KTN1: variants seen among roughly 807,000 people sequenced by gnomAD.
KTN1 encodes kinectin.
Under a neutral mutation model 222.5 loss-of-function variants are expected in KTN1, and 130 were observed. The ratio of observed to expected loss-of-function variants is 0.58; its 90% CI spans 0.51 to 0.68. The LOEUF (loss-of-function observed/expected upper bound fraction) is 0.68, where lower values mean the gene tolerates loss of function less well. Ranked by LOEUF, KTN1 falls within the 30% of genes least tolerant of loss-of-function variation. KTN1 has a pLI of 0.00. For missense variants in KTN1, 1,508 were observed against 1,500.4 expected, an observed-to-expected ratio of 1.01 and a Z score of -0.08; for synonymous variants, 512 against 496.3, an observed-to-expected ratio of 1.03 and a Z score of -0.42.
At chr14:55,599,734 A>G (rs1428225985) in intron 1 of KTN1, among the ~76,000 whole-genome samples, 1 of 151,850 alleles carries the variant, frequency 6.6e-6, no homozygotes, top group Non-Finnish European at 1.5e-5. Flanking sequence ...AGCCATTTTT[A>G]TGTCAATATT....
rs541299190 is a variant in KTN1, at chr14:55,635,465, A to G, written c.1461+807A>G. 8.5e-5 allele frequency among the ~76,000 whole-genome samples: 13 copies of G among 152,290 alleles called. No individual in the cohort carries two copies. In the South Asian group the frequency reaches 2.7e-3, roughly 32 times the overall value. On this transcript the variant is annotated intron_variant, in intron 9 of 43. Coordinates refer to ENST00000395314, the MANE Select transcript of KTN1 (RefSeq NM_001079521.2). The stretch of plus-strand genomic sequence containing the variant: ...GTAGTTTTTCCTTTGCTTCAGCACA[A>G]GACTAAGTAGTGTTCCAGTGGCTTG...
intron 18 of KTN1, among the ~76,000 whole-genome samples, chr14:55,643,853 G>C (rs2042033033): frequency 6.6e-6 from 1 of 151,970 alleles, no homozygotes; most frequent in Non-Finnish European, 1.5e-5. Context: ...TTATTATAAT[G>C]TTTCTACGTA....
chr14:55,591,487 A>G (rs1290025313), intron 1 of KTN1, among the ~76,000 whole-genome samples: 1 of 151,484 alleles, frequency 6.6e-6, no homozygotes, highest in Non-Finnish European at 1.5e-5. Context: ...ATGGCTCCAC[A>G]TTCTTCCCTA....
intron 18 of KTN1, chr14:55,644,463 C>A (rs555301301): frequency 4.3e-6 from 3 of 698,900 alleles, no homozygotes; most frequent in Non-Finnish European, 7.8e-6. Flanking sequence ...CCTGTTGATA[C>A]CCTAAAGGAG....
At chr14:55,596,801 C>CT (rs553227535) in intron 1 of KTN1, among the ~76,000 whole-genome samples, 11,448 of 140,974 alleles carry the variant, frequency 0.081, 480 homozygotes, top group South Asian at 0.12. Flanking sequence ...AGAATAGAAC[C>CT]TTTTTTTTTT....
chr14:55,660,828 C>T (rs1019030995), intron 31 of KTN1, among the ~76,000 whole-genome samples: 1 of 152,128 alleles, frequency 6.6e-6, no homozygotes, highest in South Asian at 2.1e-4. Context: ...AAAAACAGCT[C>T]TTAGTTTGAG....
chr14:55,629,543 T>G (rs1226438097), intron 6 of KTN1, among the ~76,000 whole-genome samples: 1 of 152,174 alleles, frequency 6.6e-6, no homozygotes, highest in East Asian at 1.9e-4. Flanking sequence ...TTTTTTCCCT[T>G]AGGAAAGAGA....
At position 55,642,500 on chromosome 14, in the gene KTN1, C is replaced by A. The variant is rs117151238; in HGVS notation, c.2172+740C>A. On this transcript the variant is annotated intron_variant, in intron 18 of 43. Coordinates refer to ENST00000395314, the MANE Select transcript of KTN1 (RefSeq NM_001079521.2). ...GTACTCTTCTTCTACGCAGCTCTTACAATTACAATTTATTAATAAAACACA... is the reference window on the plus strand; with the variant it reads ...GTACTCTTCTTCTACGCAGCTCTTAAAATTACAATTTATTAATAAAACACA... Among the ~76,000 whole-genome samples, 415 of 152,282 alleles carry A rather than the reference C, an allele frequency of 2.7e-3. 2 individuals are homozygous for A. The highest frequency in any genetic ancestry group is 5.8e-3 in the Admixed American group (88 of 15,294).
chr14:55,615,912 T>C (rs928786576), intron 2 of KTN1, among the ~76,000 whole-genome samples: 1 of 148,618 alleles, frequency 6.7e-6, no homozygotes, highest in Admixed American at 6.6e-5. Flanking sequence ...CTTTTCTTTC[T>C]TCTTTCTTTC....
At position 55,637,379 on chromosome 14, in the gene KTN1, T is replaced by G; in HGVS notation, c.1716+15T>G. 7.1e-7 allele frequency: 1 copy of G among 1,410,236 alleles called. No homozygotes were observed. The highest frequency in any genetic ancestry group is 9.5e-7 in the Non-Finnish European group (1 of 1,055,262). 87.4% of individuals were successfully genotyped at this position (1,410,236 alleles called of 1,614,324 possible). A position where few individuals can be genotyped will look rare whatever the true frequency, so the allele number is the denominator to read the frequency against. ...TGCAGGTTCAGGTATTTTTTCTTCT[T>G]TTTTTTTTTTTAAAAAAATACAGGT... On this transcript the variant is annotated intron_variant, in intron 11 of 43. Transcript: ENST00000395314.
chr14:55,650,886 G>A (rs1254674652), intron 24 of KTN1, among the ~76,000 whole-genome samples: 1 of 151,898 alleles, frequency 6.6e-6, no homozygotes, highest in Non-Finnish European at 1.5e-5. Context: ...ATTTTAGTTT[G>A]CCAATTACAA....
At chr14:55,607,810 G>A (rs1035848040) in intron 1 of KTN1, among the ~76,000 whole-genome samples, 2 of 152,152 alleles carry the variant, frequency 1.3e-5, no homozygotes, top group African/African-American at 2.4e-5. Context: ...GAAGACCTCT[G>A]GAGTTTGATG....
chr14:55,684,493 C>T lies in KTN1; in HGVS notation c.*390C>T. On this transcript the variant is annotated 3_prime_UTR_variant, in exon 44 of 44. Transcript: ENST00000395314. ...CATTTTGGGAAGTAACTGCCTCTGA[C>T]TTCAACTCAAGAAAACACTTTTTTG... The T allele has an allele frequency of 4.5e-6, 1 of 220,884 alleles. No individual in the cohort carries two copies. Among genetic ancestry groups the T allele is most frequent in the Non-Finnish European group, 9.0e-6 (1 of 110,844 alleles). 13.7% of individuals were successfully genotyped at this position (220,884 alleles called of 1,614,324 possible).
chr14:55,670,656 A>G, intron 34 of KTN1, 73 bp from the exon 35 acceptor site: 1 of 1,009,490 alleles, frequency 9.9e-7, no homozygotes, highest in South Asian at 1.6e-5. Context: ...TGGTTATTTT[A>G]AATGTTTCAC....
chr14:55,621,744 A>G (rs1036434214), intron 5 of KTN1, among the ~76,000 whole-genome samples: 1 of 152,140 alleles, frequency 6.6e-6, no homozygotes, highest in Non-Finnish European at 1.5e-5. Flanking sequence ...AAACCATATC[A>G]TATATTCACA....
At chr14:55,584,507 C>T (rs191443583) in intron 1 of KTN1, among the ~76,000 whole-genome samples, 1 of 152,250 alleles carries the variant, frequency 6.6e-6, no homozygotes, top group East Asian at 1.9e-4. Context: ...TGGCTGTTAC[C>T]CTGTAGATAC....
chr14:55,612,991 C>T (rs1041870663), intron 2 of KTN1, among the ~76,000 whole-genome samples: 1 of 151,834 alleles, frequency 6.6e-6, no homozygotes, highest in African/African-American at 2.4e-5. Flanking sequence ...TCAGCAGTTA[C>T]GAACTTTCTA....
At chr14:55,614,177 C>A (rs1052743854) in intron 2 of KTN1, among the ~76,000 whole-genome samples, 2 of 152,148 alleles carry the variant, frequency 1.3e-5, no homozygotes, top group African/African-American at 4.8e-5. Context: ...GGAGCTAGGA[C>A]TTCTTAGGTT....
chr14:55,662,902 AAGG>A (rs1297559934), intron 32 of KTN1: 1 of 455,944 alleles, frequency 2.2e-6, no homozygotes, highest in South Asian at 1.5e-5. Flanking sequence ...CTTCTGAGAT[AAGG>A]AGGGCATGGT....
Sources: gnomAD v4.1 joint callset for allele counts (sites outside exome capture counted in the v4.1 genomes callset) on GRCh38, gnomAD v4.1.1 for gene constraint, MANE v1.5 for transcripts, NCBI Gene and HGNC (gene_info 2026-07-23, HGNC 2026-07-21) for gene names.